Variants in MPRIP observed in about 807,000 individuals in gnomAD.
MPRIP encodes myosin phosphatase Rho interacting protein.
In MPRIP, 59 loss-of-function variants were observed where a neutral mutation model predicts 234.9. The ratio of observed to expected loss-of-function variants is 0.25; its 90% CI spans 0.20 to 0.31. The LOEUF is 0.31. Among genes scored for constraint, MPRIP ranks in the 10% least tolerant of loss-of-function variants. The probability of loss-of-function intolerance (pLI) is 1.00; values close to 1 mark genes in which losing one functional copy is unlikely to be tolerated. For synonymous variants in MPRIP, 1,144 were observed against 1,263.9 expected (o/e 0.91, Z 2.01); for missense variants, 2,436 against 3,071.0 (o/e 0.79, Z 4.89).
intron 10 of MPRIP, 115 bp downstream of exon 10, chr17:17,146,207 C>T: frequency 1.1e-6 from 1 of 896,948 alleles, no homozygotes; most frequent in Non-Finnish European, 1.8e-6. Flanking sequence ...TCCTCCATGC[C>T]CCTTGTCTTC....
chr17:17,151,353 A>G (rs1737832320), intron 12 of MPRIP, among the ~76,000 whole-genome samples: 1 of 152,172 alleles, frequency 6.6e-6, no homozygotes, highest in Admixed American at 6.5e-5. Flanking sequence ...AGAATCTGGG[A>G]CTGGGGGAGT....
chr17:17,155,892 C>G (rs1435209264), intron 13 of MPRIP, among the ~76,000 whole-genome samples: 1 of 152,342 alleles, frequency 6.6e-6, no homozygotes, highest in South Asian at 2.1e-4. Context: ...TTCCATGGCT[C>G]TCCCATCAGG....
rs568107245 is a variant in MPRIP at position 17,166,865 on chromosome 17, A to T, written c.5274A>T (p.Ser1758=). ...SPLGEVLGRD[S]DSSQEPFDVS... ...TAGGAGAAGTCCTGGGCCGAGACTCAGACAGCTCTCAGGAGCCCTTCGATG... is the reference window on the plus strand; with the variant it reads ...TAGGAGAAGTCCTGGGCCGAGACTCTGACAGCTCTCAGGAGCCCTTCGATG... The change falls in exon 16 of 24, where the codon TCA becomes TCT. Residue 1758 remains serine (S), a synonymous_variant. Coordinates refer to ENST00000651222, the MANE Select transcript of MPRIP (RefSeq NM_001364716.4). The surrounding 1 kb of genome is among the most constrained non-coding windows in gnomAD (Gnocchi z 4.4). 7.7e-7 allele frequency: 1 copy of T among 1,304,180 alleles called. No homozygotes were observed. The highest frequency in any genetic ancestry group is 1.0e-6 in the Non-Finnish European group (1 of 988,956). 80.8% of individuals were successfully genotyped at this position (1,304,180 alleles called of 1,614,324 possible).
chr17:17,059,694 T>G (rs1162614199), intron 1 of MPRIP, among the ~76,000 whole-genome samples: 1 of 152,202 alleles, frequency 6.6e-6, no homozygotes, highest in Non-Finnish European at 1.5e-5. Flanking sequence ...TTGTTGGTAT[T>G]CCCAGAGGCT....
chr17:17,126,665 G>C (rs746950799), intron 3 of MPRIP, 37 bp from the exon 4 acceptor site: 2 of 1,587,066 alleles, frequency 1.3e-6, no homozygotes, highest in Admixed American at 3.4e-5. Flanking sequence ...GGCCCCATTG[G>C]CTGGCCTCTG....
At chr17:17,080,859 G>A (rs1259266309) in intron 3 of MPRIP, among the ~76,000 whole-genome samples, 1 of 152,248 alleles carries the variant, frequency 6.6e-6, no homozygotes, top group Non-Finnish European at 1.5e-5. Flanking sequence ...ATGGTGCAGT[G>A]CCAGTCGTAG....
At chr17:17,049,613 G>A (rs950283303) in intron 1 of MPRIP, among the ~76,000 whole-genome samples, 9 of 152,170 alleles carry the variant, frequency 5.9e-5, no homozygotes, top group Admixed American at 4.6e-4. Flanking sequence ...GGACCAGGTC[G>A]GTGGTTTTCA....
intron 1 of MPRIP, among the ~76,000 whole-genome samples, chr17:17,048,258 G>T (rs1365573374): frequency 2.0e-5 from 3 of 152,092 alleles, no homozygotes; most frequent in East Asian, 1.9e-4. Context: ...GTGTGATTCT[G>T]CCCTTGCTGT....
intron 4 of MPRIP, among the ~76,000 whole-genome samples, chr17:17,130,902 T>C (rs774301956): frequency 5.3e-5 from 8 of 152,192 alleles, no homozygotes; most frequent in Non-Finnish European, 1.2e-4. Context: ...TAGCTCCTGA[T>C]TTCAGAAATG....
rs754115171 is a variant in MPRIP, at chr17:17,189,659, TC to T, written c.*4767del. On this transcript the variant is annotated 3_prime_UTR_variant, in exon 24 of 24. Transcript: ENST00000651222. ...GTCATGTTGATGAGAAGCTTCACTTTCCTGGGAACTTCATTCGTTTTAGGGC... is the reference window on the plus strand; with the variant it reads ...GTCATGTTGATGAGAAGCTTCACTTTCTGGGAACTTCATTCGTTTTAGGGC... 1.3e-5 allele frequency: 2 copies of T among 152,232 alleles called. No homozygotes were observed. The highest frequency in any genetic ancestry group is 2.9e-5 in the Non-Finnish European group (2 of 68,048). 9.4% of individuals were successfully genotyped at this position (152,232 alleles called of 1,614,324 possible).
At chr17:17,114,606 G>A (rs566236516) in intron 3 of MPRIP, among the ~76,000 whole-genome samples, 1 of 152,312 alleles carries the variant, frequency 6.6e-6, no homozygotes, top group South Asian at 2.1e-4. Context: ...TGTCACCCTT[G>A]GTTGGTGGAT....
intron 3 of MPRIP, among the ~76,000 whole-genome samples, chr17:17,081,712 G>A (rs1412554150): frequency 6.6e-6 from 1 of 152,208 alleles, no homozygotes; most frequent in African/African-American, 2.4e-5. Flanking sequence ...TGGGGCTGGG[G>A]CTGCTGGACT....
intron 6 of MPRIP, among the ~76,000 whole-genome samples, chr17:17,136,966 TTGTC>T (rs1191577732): frequency 1.3e-5 from 2 of 152,168 alleles, no homozygotes; most frequent in African/African-American, 4.8e-5. Context: ...TCTTCCATCT[TTGTC>T]TGTCTTGTTC....
intron 1 of MPRIP, among the ~76,000 whole-genome samples, chr17:17,045,870 A>T (rs2143807826): frequency 6.7e-6 from 1 of 148,306 alleles, no homozygotes; most frequent in East Asian, 2.0e-4. Flanking sequence ...CAGTGGCGCG[A>T]TCTGAGCTCA....
intron 1 of MPRIP, among the ~76,000 whole-genome samples, chr17:17,070,575 C>T (rs544502338): frequency 5.3e-5 from 8 of 152,290 alleles, no homozygotes; most frequent in African/African-American, 9.6e-5. Context: ...TTTCAGTTAC[C>T]GTATTTTTCA....
intron 5 of MPRIP, among the ~76,000 whole-genome samples, chr17:17,135,776 A>G (rs1025828778): frequency 1.3e-5 from 2 of 152,174 alleles, no homozygotes; most frequent in Admixed American, 6.5e-5. Flanking sequence ...TTGTGGGGAG[A>G]CACAGACATT....
intron 5 of MPRIP, among the ~76,000 whole-genome samples, chr17:17,134,358 G>A (rs1942654972): frequency 6.6e-6 from 1 of 152,196 alleles, no homozygotes; most frequent in African/African-American, 2.4e-5. Context: ...GGGCAGCACA[G>A]CTGCTGGTTT....
At chr17:17,183,152 T>G (rs1229301783) in intron 23 of MPRIP, 2 of 152,322 alleles carry the variant, frequency 1.3e-5, no homozygotes, top group Non-Finnish European at 2.9e-5. Flanking sequence ...AAAGAAACCC[T>G]CTCAGAAACA....
At chr17:17,171,647 C>T in intron 16 of MPRIP, 71 bp from the exon 17 acceptor site, 1 of 1,558,450 alleles carries the variant, frequency 6.4e-7, no homozygotes, top group Non-Finnish European at 8.7e-7. Context: ...ATTCCTGGCT[C>T]CTTTATTTAA....
Sources: gnomAD v4.1 joint callset for allele counts (sites outside exome capture counted in the v4.1 genomes callset) on GRCh38, gnomAD v4.1.1 for gene constraint, Gnocchi (gnomAD v3.1) non-coding constraint, MANE v1.5 for transcripts, NCBI Gene and HGNC (gene_info 2026-07-23, HGNC 2026-07-21) for gene names.